GTF3C1: variants seen among roughly 807,000 people sequenced by gnomAD.
GTF3C1 encodes the protein general transcription factor IIIC subunit 1, also known as general transcription factor 3C polypeptide 1.
GTF3C1 carries 57 observed loss-of-function variants against 226.7 expected under a neutral mutation model. That is an observed-to-expected ratio of 0.25 (90% confidence interval 0.20 to 0.31). The LOEUF (loss-of-function observed/expected upper bound fraction) is 0.31, where lower values mean the gene tolerates loss of function less well. Ranked by LOEUF, GTF3C1 falls within the 10% of genes least tolerant of loss-of-function variation. The probability of loss-of-function intolerance (pLI) is 1.00; values close to 1 mark genes in which losing one functional copy is unlikely to be tolerated. For missense variants in GTF3C1, 2,217 were observed against 2,776.1 expected (o/e 0.80, Z 4.53); for synonymous variants, 1,090 against 1,084.8 (o/e 1.00, Z -0.09).
intron 5 of GTF3C1, among the ~76,000 whole-genome samples, chr16:27,530,298 G>A (rs2088896928): frequency 6.6e-6 from 1 of 152,112 alleles, no homozygotes; most frequent in Admixed American, 6.6e-5. Context: ...GGCATTTATC[G>A]TTAATCTAGC....
Position 27,481,082 on chromosome 16 carries a change from G to A in GTF3C1, c.4193C>T (p.Ala1398Val). 1 of 1,613,690 alleles carries A rather than the reference G, an allele frequency of 6.2e-7. No individual in the cohort carries two copies. Residue 1398 changes from alanine (A) to valine (V), a missense_variant, in exon 27 of 37, where the codon GCC (alanine) becomes GTC (valine). Physicochemically the swap from Ala to Val is moderately conservative, Grantham distance 64. Coordinates refer to ENST00000356183, the MANE Select transcript of GTF3C1 (RefSeq NM_001520.4). ...AACCATCCCAGAAACGGCTTACCTG[G>A]CGAACAGCTCCTGGAGTGTGTCTGG... The part of the protein sequence containing the change: ...EIPDTLQELF[A>V]RYRVLAIGDE...
intron 7 of GTF3C1, among the ~76,000 whole-genome samples, chr16:27,510,931 TC>T (rs1175669780): frequency 6.6e-6 from 1 of 152,246 alleles, no homozygotes; most frequent in Non-Finnish European, 1.5e-5. Flanking sequence ...GTAATAGCTT[TC>T]TTCTTCTCAG....
intron 19 of GTF3C1, among the ~76,000 whole-genome samples, chr16:27,490,034 G>A (rs534357954): frequency 2.6e-5 from 4 of 152,336 alleles, no homozygotes; most frequent in South Asian, 2.1e-4. Flanking sequence ...GAGAGAGCCC[G>A]GCAGGCTCAG....
At chr16:27,514,983 T>C (rs923109503) in intron 6 of GTF3C1, among the ~76,000 whole-genome samples, 2 of 152,210 alleles carry the variant, frequency 1.3e-5, no homozygotes, top group African/African-American at 4.8e-5. Flanking sequence ...CCTCAGCCAG[T>C]GGCCCAGCGC....
intron 2 of GTF3C1, among the ~76,000 whole-genome samples, chr16:27,540,387 A>G (rs539255589): frequency 6.6e-6 from 1 of 152,364 alleles, no homozygotes; most frequent in East Asian, 1.9e-4. Context: ...AAGTTAAATT[A>G]TAAGAGGTCA....
At position 27,463,707 on chromosome 16, in the gene GTF3C1, G is replaced by A; in HGVS notation, c.5873-115C>T. On this transcript the variant is annotated intron_variant, in intron 34 of 36. Transcript: ENST00000356183. This position sits in a 1 kb window ranked among gnomAD's most constrained non-coding sequence, Gnocchi z 4.9. ...CAGGGCACCTCGAGGCTCAGGGGATGAAGTGTCAAAAAAAAAGGACAATGA... is the reference window on the plus strand; with the variant it reads ...CAGGGCACCTCGAGGCTCAGGGGATAAAGTGTCAAAAAAAAAGGACAATGA... 4.0e-6 allele frequency: 3 copies of A among 745,996 alleles called. No homozygotes were observed. Among genetic ancestry groups the A allele is most frequent in the South Asian group, 2.9e-5 (2 of 69,174 alleles). 46.2% of individuals were successfully genotyped at this position (745,996 alleles called of 1,614,324 possible).
chr16:27,481,784 C>G (rs2088052330), intron 26 of GTF3C1, among the ~76,000 whole-genome samples: 1 of 152,220 alleles, frequency 6.6e-6, no homozygotes, highest in Non-Finnish European at 1.5e-5. Context: ...GCTGCTGTGC[C>G]TGCCAGCCCC....
intron 10 of GTF3C1, among the ~76,000 whole-genome samples, chr16:27,504,105 C>T (rs2088449037): frequency 1.3e-5 from 2 of 152,232 alleles, no homozygotes; most frequent in Non-Finnish European, 2.9e-5. Context: ...TTCCATGGGG[C>T]TGCTGGACAG....
rs895594344 is a variant in GTF3C1 at position 27,476,352 on chromosome 16, C to G, written c.4353+99G>C. On this transcript the variant is annotated intron_variant, in intron 29 of 36. Transcript: ENST00000356183. The stretch of plus-strand genomic sequence containing the variant: ...GGCTGGCATTTTGGGGGAATCAGCC[C>G]AAGAGCCCACAGCGGAGAAGGGCAG... 4 of 715,136 alleles carry G rather than the reference C, an allele frequency of 5.6e-6. No individual in the cohort carries two copies. In the African/African-American group the frequency reaches 7.0e-5, roughly 13 times the overall value. 44.3% of individuals were successfully genotyped at this position (715,136 alleles called of 1,614,324 possible).
chr16:27,475,672 G>A (rs1438087585), intron 29 of GTF3C1, among the ~76,000 whole-genome samples: 2 of 152,112 alleles, frequency 1.3e-5, no homozygotes, highest in Non-Finnish European at 1.5e-5. Context: ...CCGGGGGTTC[G>A]ATGTGATTTC....
At chr16:27,545,560 G>T in intron 1 of GTF3C1, 37 bp from the exon 2 acceptor site, 1 of 1,191,494 alleles carries the variant, frequency 8.4e-7, no homozygotes, top group Non-Finnish European at 1.3e-6. Flanking sequence ...GCCCAACTCA[G>T]CTTCAGATAT....
chr16:27,549,523 ATTAGCC>A, intron 1 of GTF3C1, 141 bp downstream of exon 1: 1 of 610,510 alleles, frequency 1.6e-6, no homozygotes, highest in Non-Finnish European at 2.9e-6. Flanking sequence ...GGGACCCCAG[ATTAGCC>A]TTACCGCCGT....
At position 27,506,992 on chromosome 16, in the gene GTF3C1, T is replaced by C; in HGVS notation, c.1407A>G (p.Glu469=). 1.2e-6 allele frequency: 2 copies of C among 1,613,894 alleles called. No homozygotes were observed. The highest frequency in any genetic ancestry group is 1.7e-6 in the Non-Finnish European group (2 of 1,179,960). Residue 469 remains glutamate (E), a synonymous_variant, in exon 9 of 37, where the codon GAA becomes GAG. Transcript: ENST00000356183. The stretch of plus-strand genomic sequence containing the variant: ...ACTCAGAGAGGAAGGTGTCCTCGCC[T>C]TCAGGCAGAAGCGACTCCTCCTGCA... ...ASMQEESLLP[E]GEDTFLSESD...
intron 24 of GTF3C1, among the ~76,000 whole-genome samples, chr16:27,485,342 G>T (rs1219954837): frequency 6.6e-6 from 1 of 152,246 alleles, no homozygotes; most frequent in Non-Finnish European, 1.5e-5. Context: ...TTTCCTGGAA[G>T]GCAAATAAGA....
At chr16:27,504,013 G>A (rs1302584104) in intron 10 of GTF3C1, among the ~76,000 whole-genome samples, 1 of 152,240 alleles carries the variant, frequency 6.6e-6, no homozygotes, top group Non-Finnish European at 1.5e-5. Context: ...AGAGTCCCAA[G>A]AGGGGCAGAA....
intron 5 of GTF3C1, among the ~76,000 whole-genome samples, chr16:27,530,462 G>A (rs2088899211): frequency 6.6e-6 from 1 of 152,140 alleles, no homozygotes; most frequent in South Asian, 2.1e-4. Context: ...GCACAATCTG[G>A]CCAGCAGAAA....
chr16:27,485,365 T>C (rs983784193), intron 24 of GTF3C1, among the ~76,000 whole-genome samples: 1 of 152,220 alleles, frequency 6.6e-6, no homozygotes, highest in Non-Finnish European at 1.5e-5. Context: ...TCTCGCTGCC[T>C]TGTGGACCAG....
At chr16:27,485,578 G>T (rs1291410279) in intron 24 of GTF3C1, among the ~76,000 whole-genome samples, 3 of 152,248 alleles carry the variant, frequency 2.0e-5, no homozygotes, top group Non-Finnish European at 4.4e-5. Context: ...TACTGGTGAG[G>T]AGAGAGAAAG....
chr16:27,535,762 C>T (rs977534652), intron 4 of GTF3C1, among the ~76,000 whole-genome samples: 1 of 151,786 alleles, frequency 6.6e-6, no homozygotes, highest in Non-Finnish European at 1.5e-5. Flanking sequence ...GGTGGTGCAT[C>T]GCTTGAGCCC....
Sources: gnomAD v4.1 joint callset for allele counts (sites outside exome capture counted in the v4.1 genomes callset) on GRCh38, gnomAD v4.1.1 for gene constraint, Gnocchi (gnomAD v3.1) non-coding constraint, MANE v1.5 for transcripts, NCBI Gene and HGNC (gene_info 2026-07-23, HGNC 2026-07-21) for gene names.